POLD1: variants seen among roughly 807,000 people sequenced by gnomAD.
POLD1 encodes DNA polymerase delta catalytic subunit.
Under a neutral mutation model 129.7 loss-of-function variants are expected in POLD1, and 79 were observed. The observed-to-expected ratio is 0.61, with a 90% confidence interval of 0.51 to 0.73. The LOEUF is 0.73. Among genes scored for constraint, POLD1 ranks in the 30% least tolerant of loss-of-function variants. The pLI, the probability that POLD1 is intolerant of heterozygous loss-of-function variation, is 0.00. For missense variants in POLD1, 1,338 were observed against 1,595.8 expected, an observed-to-expected ratio of 0.84 and a Z score of 2.75; for synonymous variants, 714 against 683.3, an observed-to-expected ratio of 1.04 and a Z score of -0.70.
At position 50,412,038 on chromosome 19, in the gene POLD1, T is replaced by G. The variant is rs77612218; in HGVS notation, c.2155-1388T>G. 2.0e-5 allele frequency among the ~76,000 whole-genome samples: 3 copies of G among 152,182 alleles called. No homozygotes were observed. The South Asian group carries it at 6.2e-4, about 31-fold the overall frequency. On this transcript the variant is annotated intron_variant, in intron 17 of 26. Coordinates refer to ENST00000440232, the MANE Select transcript of POLD1 (RefSeq NM_002691.4). ...AGCTCATGCCTGTAGTTGCAGCTAC[T>G]CAGGAGGCTGAGACGGGAAGATGGC...
chr19:50,405,125 C>G (rs1228375744), intron 10 of POLD1, among the ~76,000 whole-genome samples: 2 of 151,976 alleles, frequency 1.3e-5, no homozygotes, highest in African/African-American at 4.8e-5. Flanking sequence ...GTTGGCCAGG[C>G]TGGTCTCCAT....
chr19:50,398,570 CA>C (rs35689550), intron 1 of POLD1, among the ~76,000 whole-genome samples: 1,798 of 64,100 alleles, frequency 0.028, 21 homozygotes, highest in African/African-American at 0.12. Context: ...AATTCCATCT[CA>C]AAAAAAAAAA....
intron 17 of POLD1, among the ~76,000 whole-genome samples, chr19:50,413,008 T>G (rs2039140281): frequency 6.6e-6 from 1 of 151,994 alleles, no homozygotes; most frequent in African/African-American, 2.4e-5. Context: ...AATGTGTAGG[T>G]AGGGCCAGTT....
intron 26 of POLD1, among the ~76,000 whole-genome samples, 162 bp from the exon 27 acceptor site, chr19:50,417,680 C>T (rs1302033167): frequency 2.0e-5 from 2 of 100,670 alleles, no homozygotes; most frequent in South Asian, 8.1e-4. Context: ...CTCCCCCCCC[C>T]CACCCCCCCC....
rs41554817 is a variant in POLD1, at chr19:50,402,732, G to A, written c.961G>A (p.Gly321Ser). 697 of 1,591,596 alleles carry A rather than the reference G, an allele frequency of 4.4e-4. 1 individual carries two copies. Among genetic ancestry groups the A allele is most frequent in the Non-Finnish European group, 5.5e-4 (640 of 1,165,040 alleles). Residue 321 changes from glycine to serine, a missense_variant, in exon 8 of 27, where the codon GGC becomes AGC. Coordinates refer to ENST00000440232, the MANE Select transcript of POLD1 (RefSeq NM_002691.4). The part of the protein sequence containing the change: ...RVLSFDIECA[G>S]RKGIFPEPER... ...GCTCAGCTTCGATATCGAGTGCGCC[G>A]GCCGCAAAGGTCTGTCCCCGGGCCC...
rs3219410 is a variant in POLD1, at chr19:50,409,780, G to C, written c.2154+114G>C. On this transcript the variant is annotated intron_variant, in intron 17 of 26. Transcript: ENST00000440232. The surrounding 1 kb of genome is among the most constrained non-coding windows in gnomAD (Gnocchi z 5.8). ...GAGGACTGGGCACCCCAACTCACTG[G>C]CCTTCTAGAGAGAGGATGCCAATGT... 8.7e-5 allele frequency: 102 copies of C among 1,166,490 alleles called. No homozygotes were observed. The African/African-American group carries it at 1.3e-3, about 15-fold the overall frequency. 72.3% of individuals were successfully genotyped at this position (1,166,490 alleles called of 1,614,324 possible).
At chr19:50,405,155 C>T (rs1414854084) in intron 10 of POLD1, among the ~76,000 whole-genome samples, 1 of 152,174 alleles carries the variant, frequency 6.6e-6, no homozygotes, top group Non-Finnish European at 1.5e-5. Context: ...AGGTGATCTG[C>T]CCACCTCAGC....
chr19:50,403,659 G>A (rs1164592970), intron 10 of POLD1, 62 bp downstream of exon 10: 1 of 1,053,462 alleles, frequency 9.5e-7, no homozygotes, highest in Non-Finnish European at 1.5e-6. Flanking sequence ...CCGGGCCCTG[G>A]GCCTCCTTCC....
At chr19:50,417,453 C>A (rs1006386838) in intron 26 of POLD1, among the ~76,000 whole-genome samples, 184 bp downstream of exon 26, 1 of 152,212 alleles carries the variant, frequency 6.6e-6, no homozygotes, top group African/African-American at 2.4e-5. Flanking sequence ...CCCAGCCCCC[C>A]AGAGGGGGTG....
intron 2 of POLD1, 130 bp downstream of exon 2, chr19:50,399,183 C>A: frequency 7.2e-7 from 1 of 1,380,608 alleles, no homozygotes; most frequent in Non-Finnish European, 1.0e-6. Context: ...AAAGGACTGC[C>A]CTTCCACCCC....
At chr19:50,387,008 C>A (rs879701359) in intron 1 of POLD1, among the ~76,000 whole-genome samples, 1 of 151,836 alleles carries the variant, frequency 6.6e-6, no homozygotes, top group Admixed American at 6.6e-5. Flanking sequence ...CTGGCTAACA[C>A]GGTGAAACCC....
chr19:50,407,725 A>ATTTTTTTTTTTT (rs571759517), intron 14 of POLD1, among the ~76,000 whole-genome samples: 6 of 95,314 alleles, frequency 6.3e-5, no homozygotes, highest in African/African-American at 1.4e-4. Flanking sequence ...CGCCTGGCTA[A>ATTTTTTTTTTTT]TTTTTTTTTT....
intron 1 of POLD1, among the ~76,000 whole-genome samples, chr19:50,396,436 G>T (rs538313126): frequency 7.2e-6 from 1 of 139,588 alleles, no homozygotes; most frequent in East Asian, 2.0e-4. Flanking sequence ...ATCTTGTCAA[G>T]GATATTGTAT....
chr19:50,395,876 C>CTTTTT lies in POLD1; in HGVS notation c.-1-2954_-1-2950dup, dbSNP rs774272686. ...TGTCTAATCAACCAGAGGATATATACTTTTTTTTTTTTTTTTTTTTTTTTT... is the reference window on the plus strand; with the variant it reads ...TGTCTAATCAACCAGAGGATATATACTTTTTTTTTTTTTTTTTTTTTTTTTTTTTT... On this transcript the variant is annotated intron_variant, in intron 1 of 26. Coordinates refer to ENST00000440232, the MANE Select transcript of POLD1 (RefSeq NM_002691.4). Among the ~76,000 whole-genome samples, 196 of 73,654 alleles carry CTTTTT rather than the reference C, an allele frequency of 2.7e-3. 30 individuals are homozygous for CTTTTT. The highest frequency in any genetic ancestry group is 9.7e-3 in the African/African-American group (172 of 17,736). The allele number at this position is 73,654 out of a possible 152,430, so 48.3% of individuals were successfully genotyped here. A position where few individuals can be genotyped will look rare whatever the true frequency, so the allele number is the denominator to read the frequency against.
At chr19:50,404,841 G>A (rs555375832) in intron 10 of POLD1, among the ~76,000 whole-genome samples, 3 of 143,334 alleles carry the variant, frequency 2.1e-5, no homozygotes, top group South Asian at 2.1e-4. Context: ...CACAACCTCC[G>A]CCTCCCAGGG....
chr19:50,416,536 G>T lies in POLD1; in HGVS notation c.2953+8G>T, dbSNP rs777560428. 2 of 1,551,860 alleles carry T rather than the reference G, an allele frequency of 1.3e-6. No individual in the cohort carries two copies. The highest frequency in any genetic ancestry group is 8.7e-7 in the Non-Finnish European group (1 of 1,150,158). On this transcript the variant is annotated splice_region_variant and intron_variant, in intron 23 of 26. Transcript: ENST00000440232. ...CCGAGGCTGTGCTACTGCGTACGGGGGCACCAGGGGACTGGGGGCACCCTG... is the reference window on the plus strand; with the variant it reads ...CCGAGGCTGTGCTACTGCGTACGGGTGCACCAGGGGACTGGGGGCACCCTG...
At position 50,406,903 on chromosome 19, in the gene POLD1, C is replaced by T; in HGVS notation, c.1495-80C>T. On this transcript the variant is annotated intron_variant, in intron 12 of 26. Coordinates refer to ENST00000440232, the MANE Select transcript of POLD1 (RefSeq NM_002691.4). This position sits in a 1 kb window ranked among gnomAD's most constrained non-coding sequence, Gnocchi z 5.5. ...CCCAGGCCCTCCCCAGGCTACCTCA[C>T]CCTGACCCCCACTTCCTTCTCCTGC... The T allele has an allele frequency of 8.1e-7, 1 of 1,233,830 alleles. No individual in the cohort carries two copies. The highest frequency in any genetic ancestry group is 1.1e-6 in the Non-Finnish European group (1 of 883,334). 76.4% of individuals were successfully genotyped at this position (1,233,830 alleles called of 1,614,324 possible).
Position 50,393,294 on chromosome 19 carries a change from C to T in POLD1, c.-1-5557C>T, listed in dbSNP as rs139822383. 7.8e-4 allele frequency among the ~76,000 whole-genome samples: 119 copies of T among 152,270 alleles called. No individual in the cohort carries two copies. In the Middle Eastern group the frequency reaches 0.014, roughly 17 times the overall value. On this transcript the variant is annotated intron_variant, in intron 1 of 26. Transcript: ENST00000440232. Reference sequence around the variant, plus strand: ...GAGCAGCCACTAGTCTGATTTCTAGCGCTGTAGATCACTTTAGTGTATTCT... The same window carrying T: ...GAGCAGCCACTAGTCTGATTTCTAGTGCTGTAGATCACTTTAGTGTATTCT...
At chr19:50,385,857 C>G (rs1053582659) in intron 1 of POLD1, among the ~76,000 whole-genome samples, 5 of 151,798 alleles carry the variant, frequency 3.3e-5, no homozygotes, top group African/African-American at 7.3e-5. Flanking sequence ...ACTTCCCCCC[C>G]ACAGGTCTCT....
Sources: gnomAD v4.1 joint callset for allele counts (sites outside exome capture counted in the v4.1 genomes callset) on GRCh38, gnomAD v4.1.1 for gene constraint, Gnocchi (gnomAD v3.1) non-coding constraint, MANE v1.5 for transcripts, NCBI Gene and HGNC (gene_info 2026-07-23, HGNC 2026-07-21) for gene names.